The following GLB1 variants were observed in gnomAD, a reference collection of about 807,000 sequenced individuals.
GLB1 encodes the protein galactosidase beta 1.
GLB1 carries 56 observed loss-of-function variants against 74.0 expected under a neutral mutation model. That is an observed-to-expected ratio of 0.76 (90% CI 0.61 to 0.94). GLB1 has a LOEUF of 0.94. GLB1 is among the 40% of genes least tolerant of loss of function. GLB1 has a pLI of 0.00. For missense variants in GLB1, 787 were observed against 845.5 expected (o/e 0.93, Z 0.86); for synonymous variants, 323 against 323.6 (o/e 1.00, Z 0.02).
At chr3:32,974,372 C>T in the GLB1 span, among the ~76,000 whole-genome samples, 1 of 152,004 alleles carries the variant, frequency 6.6e-6, no homozygotes, top group Non-Finnish European at 1.5e-5. Context: ...TAAGAATGTG[C>T]TCTGTATTAG....
At chr3:33,013,226 A>T (rs1697100362) in intron 15 of GLB1, among the ~76,000 whole-genome samples, 1 of 152,206 alleles carries the variant, frequency 6.6e-6, no homozygotes, top group African/African-American at 2.4e-5. Context: ...TCTGACAAGC[A>T]TCACTATCTT....
intron 1 of GLB1, among the ~76,000 whole-genome samples, chr3:33,076,077 C>T (rs1700092212): frequency 6.6e-6 from 1 of 151,698 alleles, no homozygotes; most frequent in Admixed American, 6.6e-5. Context: ...GTTGACCTCA[C>T]CCCCAGACAT....
chr3:32,995,801 T>C (rs1313882332), downstream of GLB1, among the ~76,000 whole-genome samples: 3 of 146,080 alleles, frequency 2.1e-5, no homozygotes, highest in East Asian at 4.0e-4. Context: ...GCTACAATCA[T>C]GCCATTGCAC....
the GLB1 span, among the ~76,000 whole-genome samples, chr3:32,969,858 T>TTGC: frequency 1.3e-5 from 2 of 152,238 alleles, no homozygotes; most frequent in Non-Finnish European, 2.9e-5. Flanking sequence ...AGTGTTTAAC[T>TTGC]TGCACTCAGA....
chr3:33,053,305 A>G (rs1451439395), intron 7 of GLB1, among the ~76,000 whole-genome samples, 186 bp downstream of exon 7: 7 of 152,152 alleles, frequency 4.6e-5, no homozygotes, highest in Non-Finnish European at 2.9e-5. Context: ...CCAGTGCAGG[A>G]GCTCAATTTC....
At chr3:33,077,992 G>A (rs1227836236) in intron 1 of GLB1, among the ~76,000 whole-genome samples, 1 of 151,858 alleles carries the variant, frequency 6.6e-6, no homozygotes, top group African/African-American at 2.4e-5. Flanking sequence ...CTTTAAGTAG[G>A]GATAAATTAG....
chr3:33,028,562 G>A (rs1214549912), intron 10 of GLB1, among the ~76,000 whole-genome samples: 1 of 151,868 alleles, frequency 6.6e-6, no homozygotes, highest in Non-Finnish European at 1.5e-5. Context: ...AACACTCTGA[G>A]TGTGGGGTGA....
intron 1 of GLB1, chr3:33,090,328 C>T (rs978366729): frequency 2.7e-5 from 25 of 911,022 alleles, no homozygotes; most frequent in Admixed American, 6.2e-5. Context: ...AGAGTGGTCT[C>T]GTCATGCTTG....
intron 1 of GLB1, among the ~76,000 whole-genome samples, chr3:33,084,921 T>C (rs537646485): frequency 2.6e-5 from 4 of 152,252 alleles, no homozygotes; most frequent in South Asian, 2.1e-4. Flanking sequence ...CTATTATATA[T>C]GTAGTAGGAT....
chr3:33,066,819 G>A (rs1476239482), intron 4 of GLB1, among the ~76,000 whole-genome samples: 2 of 152,064 alleles, frequency 1.3e-5, no homozygotes, highest in East Asian at 1.9e-4. Context: ...GATTAAATGA[G>A]TTACCACAGT....
intron 15 of GLB1, among the ~76,000 whole-genome samples, chr3:33,010,550 T>A (rs1049407191): frequency 6.6e-6 from 1 of 152,234 alleles, no homozygotes; most frequent in African/African-American, 2.4e-5. Context: ...TTGTTAGATA[T>A]ATGATTTGAA....
At chr3:33,059,036 G>A (rs1699337496) in intron 5 of GLB1, among the ~76,000 whole-genome samples, 1 of 152,218 alleles carries the variant, frequency 6.6e-6, no homozygotes, top group South Asian at 2.1e-4. Context: ...GGCATCCAGT[G>A]GGTAGAGGCC....
intron 1 of GLB1, among the ~76,000 whole-genome samples, chr3:33,085,519 C>A (rs1450501579): frequency 6.6e-6 from 1 of 151,706 alleles, no homozygotes; most frequent in Non-Finnish European, 1.5e-5. Flanking sequence ...ATTGCATTTC[C>A]TAGCAATACC....
intron 10 of GLB1, chr3:33,030,892 C>T (rs1189009764): frequency 1.1e-6 from 1 of 890,680 alleles, no homozygotes; most frequent in African/African-American, 1.8e-5. Flanking sequence ...ACCACTGCCC[C>T]TCTCAGGAAT....
At position 33,014,384 on chromosome 3, in the gene GLB1, G is replaced by C. The variant is rs73826340; in HGVS notation, c.1480-74C>G. On this transcript the variant is annotated intron_variant, in intron 14 of 15. Transcript: ENST00000307363. Reference sequence around the variant, plus strand: ...GCTTCACATGTCTCTGCATTCCAGGGAAATGGGAAAAGCAAACCGGGATAC... The same window carrying C: ...GCTTCACATGTCTCTGCATTCCAGGCAAATGGGAAAAGCAAACCGGGATAC... The C allele has an allele frequency of 0.055, 86,956 of 1,578,384 alleles. 2,635 individuals carry two copies. The highest frequency in any genetic ancestry group is 0.071 in the Middle Eastern group (356 of 4,998).
intron 15 of GLB1, among the ~76,000 whole-genome samples, chr3:32,997,660 C>G (rs1418573881): frequency 6.6e-6 from 1 of 152,198 alleles, no homozygotes; most frequent in African/African-American, 2.4e-5. Flanking sequence ...ATGTTGGTAC[C>G]AGAGAACAGT....
Position 33,093,975 on chromosome 3 carries a change from G to C in GLB1, c.75+3036C>G, listed in dbSNP as rs1269823810. The C allele has an allele frequency of 5.6e-6, 9 of 1,614,078 alleles. 1 individual carries two copies. In the South Asian group the frequency reaches 8.8e-5, roughly 16 times the overall value. The stretch of plus-strand genomic sequence containing the variant: ...AAAACAGGTTGACTCTGCAGCTGGG[G>C]AGTGGCAGAGGTTGCTCACTGTGCT... On this transcript the variant is annotated intron_variant, in intron 1 of 15. Transcript: ENST00000307363. The surrounding 1 kb of genome is among the most constrained non-coding windows in gnomAD (Gnocchi z 6.0).
chr3:33,067,958 T>A (rs1699751651), intron 4 of GLB1, among the ~76,000 whole-genome samples: 1 of 152,218 alleles, frequency 6.6e-6, no homozygotes, highest in African/African-American at 2.4e-5. Context: ...CGATCTCGGT[T>A]CACTGCAACT....
Position 33,072,547 on chromosome 3 carries a change from T to C in GLB1, c.242A>G (p.Gln81Arg). 6.2e-7 allele frequency: 1 copy of C among 1,613,248 alleles called. No individual in the cohort carries two copies. Among genetic ancestry groups the C allele is most frequent in the Non-Finnish European group, 8.5e-7 (1 of 1,180,020 alleles). ...KMKMAGLNAI[Q>R]TYVPWNFHEP... ...AGCCACATGCCCTCCTACTTACGTC[T>C]GGATGGCGTTCAGCCCAGCCATCTT... Residue 81 changes from glutamine to arginine, a missense_variant, in exon 2 of 16, where the codon CAG becomes CGG. Physicochemically the swap from Gln to Arg is conservative, Grantham distance 43. Coordinates refer to ENST00000307363, the MANE Select transcript of GLB1 (RefSeq NM_000404.4).
Sources: allele counts gnomAD v4.1 joint callset (sites outside exome capture counted in the v4.1 genomes callset), GRCh38; gene constraint gnomAD v4.1.1; non-coding constraint Gnocchi (gnomAD v3.1); transcripts MANE v1.5; gene names NCBI Gene and HGNC (gene_info 2026-07-23, HGNC 2026-07-21).